PCDH9: variants seen among roughly 807,000 people sequenced by gnomAD.
The protein encoded by PCDH9 is protocadherin 9, also known as protocadherin-9.
In PCDH9, 24 loss-of-function variants were observed where a neutral mutation model predicts 70.6. The ratio of observed to expected loss-of-function variants is 0.34; its 90% CI spans 0.25 to 0.48. The LOEUF is 0.48. Among genes scored for constraint, PCDH9 ranks in the 20% least tolerant of loss-of-function variants. The probability of loss-of-function intolerance (pLI) is 0.99; values close to 1 mark genes in which losing one functional copy is unlikely to be tolerated. For missense variants in PCDH9, 1,281 were observed against 1,503.6 expected, an observed-to-expected ratio of 0.85 and a Z score of 2.45; for synonymous variants, 562 against 558.5, an observed-to-expected ratio of 1.01 and a Z score of -0.09.
intron 3 of PCDH9, among the ~76,000 whole-genome samples, chr13:66,838,792 G>A (rs1439605209): frequency 1.3e-5 from 2 of 151,966 alleles, no homozygotes; most frequent in Admixed American, 1.3e-4. Flanking sequence ...ATTATTTAGA[G>A]CAACTCATTT....
At chr13:66,772,354 C>G in intron 3 of PCDH9, among the ~76,000 whole-genome samples, 1 of 152,308 alleles carries the variant, frequency 6.6e-6, no homozygotes, top group Non-Finnish European at 1.5e-5. Flanking sequence ...ACTTACATCT[C>G]ATTATCATGC....
At chr13:66,504,212 C>T (rs770425064) in intron 4 of PCDH9, among the ~76,000 whole-genome samples, 2 of 152,232 alleles carry the variant, frequency 1.3e-5, no homozygotes, top group African/African-American at 2.4e-5. Flanking sequence ...ACTGAACCCA[C>T]GTGTACCTTA....
In PCDH9 at chr13:66,849,806, A is replaced by C. The variant is rs56658203; in HGVS notation, c.3138+53698T>G. On this transcript the variant is annotated intron_variant, in intron 3 of 4. Transcript: ENST00000377865. ...GCTACCAATAGACGCTGCTTTTATC[A>C]CCCGTAAGTCTTCAAGAAGAGCTAC... Among the ~76,000 whole-genome samples, 1,210 of 152,190 alleles carry C rather than the reference A, an allele frequency of 8.0e-3. 12 individuals are homozygous for C. The highest frequency in any genetic ancestry group is 0.027 in the African/African-American group (1,130 of 41,528).
At chr13:66,800,989 G>T (rs1451147755) in intron 3 of PCDH9, among the ~76,000 whole-genome samples, 1 of 142,336 alleles carries the variant, frequency 7.0e-6, no homozygotes, top group South Asian at 2.3e-4. Flanking sequence ...AAACCAAAAT[G>T]CATTTGGAGC....
chr13:66,397,478 G>GTATA (rs142645344), intron 4 of PCDH9, among the ~76,000 whole-genome samples: 260 of 147,752 alleles, frequency 1.8e-3, no homozygotes, highest in South Asian at 8.7e-3. Context: ...GTGTGTGTGT[G>GTATA]TATATATATA....
At chr13:66,615,107 T>C (rs1225575791) in intron 4 of PCDH9, among the ~76,000 whole-genome samples, 4 of 152,234 alleles carry the variant, frequency 2.6e-5, no homozygotes, top group African/African-American at 9.6e-5. Context: ...TTGTGGGCGC[T>C]AAGAACATAA....
At chr13:67,202,509 CT>C (rs1402929652) in intron 2 of PCDH9, 1 of 152,106 alleles carries the variant, frequency 6.6e-6, no homozygotes, top group South Asian at 2.1e-4. Flanking sequence ...CAACTGCCCA[CT>C]GTTTTAATGG....
At chr13:67,095,345 T>C (rs960122189) in intron 2 of PCDH9, among the ~76,000 whole-genome samples, 2 of 152,152 alleles carry the variant, frequency 1.3e-5, no homozygotes, top group East Asian at 1.9e-4. Context: ...TTTAAAGTCA[T>C]AGAATATCTA....
intron 3 of PCDH9, among the ~76,000 whole-genome samples, chr13:66,788,671 T>TTTA (rs1446117427): frequency 6.1e-5 from 9 of 148,308 alleles, no homozygotes; most frequent in African/African-American, 2.2e-4. Context: ...TTTTTTTTTT[T>TTTA]TTGCTGGGCT....
At chr13:67,045,941 AATG>A (rs1442040066) in intron 2 of PCDH9, among the ~76,000 whole-genome samples, 6 of 151,986 alleles carry the variant, frequency 3.9e-5, no homozygotes, top group Non-Finnish European at 5.9e-5. Context: ...CTTCCTCCTG[AATG>A]ATACTTGAGC....
At chr13:67,205,163 T>A (rs1296299769) in intron 2 of PCDH9, 1 of 152,186 alleles carries the variant, frequency 6.6e-6, no homozygotes, top group Non-Finnish European at 1.5e-5. Context: ...TGTCTAAGAA[T>A]TATGCGTTTC....
intron 2 of PCDH9, chr13:67,216,517 T>A (rs944642309): frequency 1.3e-5 from 2 of 151,262 alleles, no homozygotes; most frequent in African/African-American, 4.9e-5. Flanking sequence ...CTAACATTAT[T>A]CCTTAACTTG....
chr13:66,785,503 A>G (rs2080065547), intron 3 of PCDH9, among the ~76,000 whole-genome samples: 1 of 151,882 alleles, frequency 6.6e-6, no homozygotes, highest in Non-Finnish European at 1.5e-5. Context: ...TTTTAATGTA[A>G]GAGAAGTGGA....
chr13:66,970,829 G>A (rs2083509322), intron 2 of PCDH9, among the ~76,000 whole-genome samples: 1 of 151,840 alleles, frequency 6.6e-6, no homozygotes, highest in South Asian at 2.1e-4. Flanking sequence ...ATACATACAA[G>A]TCACTGAGGG....
chr13:67,030,973 T>A (rs2139884377), intron 2 of PCDH9, among the ~76,000 whole-genome samples: 1 of 152,294 alleles, frequency 6.6e-6, no homozygotes, highest in African/African-American at 2.4e-5. Context: ...ACTAGCCCTA[T>A]AACTATATGC....
chr13:66,992,014 T>G (rs1378915560), intron 2 of PCDH9, among the ~76,000 whole-genome samples: 2 of 152,130 alleles, frequency 1.3e-5, no homozygotes, highest in African/African-American at 4.8e-5. Flanking sequence ...AAGTCTGTAT[T>G]TGATAGAATA....
intron 3 of PCDH9, among the ~76,000 whole-genome samples, chr13:66,643,180 C>A (rs1196905597): frequency 1.3e-5 from 2 of 151,922 alleles, no homozygotes; most frequent in African/African-American, 2.4e-5. Flanking sequence ...ACACTGATGA[C>A]CTGATAAGCT....
Position 67,224,964 on chromosome 13 carries a change from C to T in PCDH9, c.3036+441G>A. On this transcript the variant is annotated intron_variant, in intron 2 of 4. Transcript: ENST00000377865. ...AAATTAACCCCTTTAGCAACCATAG[C>T]TGCAACATAATTGCAGTCACACCTT... The T allele has an allele frequency of 3.0e-6, 3 of 1,009,944 alleles. No homozygotes were observed. The South Asian group carries it at 1.3e-4, about 43-fold the overall frequency. The allele number at this position is 1,009,944 out of a possible 1,614,324, so 62.6% of individuals were successfully genotyped here.
intron 2 of PCDH9, among the ~76,000 whole-genome samples, chr13:67,025,304 TA>T (rs989091338): frequency 6.6e-6 from 1 of 152,114 alleles, no homozygotes; most frequent in Non-Finnish European, 1.5e-5. Flanking sequence ...TGGACAAATA[TA>T]ATAAAACATC....
Sources: allele counts gnomAD v4.1 joint callset (sites outside exome capture counted in the v4.1 genomes callset), GRCh38; gene constraint gnomAD v4.1.1; transcripts MANE v1.5; gene names NCBI Gene and HGNC (gene_info 2026-07-23, HGNC 2026-07-21).